Variants in INSR observed in about 807,000 individuals in gnomAD.
INSR encodes the protein IR.
INSR carries 67 observed loss-of-function variants against 142.6 expected under a neutral mutation model. The ratio of observed to expected loss-of-function variants is 0.47; its 90% CI spans 0.39 to 0.58. The LOEUF is 0.58. Among genes scored for constraint, INSR ranks in the 20% least tolerant of loss-of-function variants. The pLI, the probability that INSR is intolerant of heterozygous loss-of-function variation, is 0.00. For synonymous variants in INSR, 756 were observed against 743.1 expected (o/e 1.02, Z -0.28); for missense variants, 1,248 against 1,833.2 (o/e 0.68, Z 5.83).
At chr19:7,261,704 T>C (rs952451008) in intron 2 of INSR, among the ~76,000 whole-genome samples, 1 of 152,012 alleles carries the variant, frequency 6.6e-6, no homozygotes, top group Non-Finnish European at 1.5e-5. Context: ...CTAATTTTCA[T>C]ATTTTTAGTA....
intron 9 of INSR, among the ~76,000 whole-genome samples, chr19:7,160,757 G>A (rs147823497): frequency 3.8e-4 from 58 of 152,160 alleles, no homozygotes; most frequent in African/African-American, 1.4e-3. Flanking sequence ...CAGCACTTTG[G>A]GAGGCTGAGA....
chr19:7,204,240 A>C (rs938151221), intron 2 of INSR, among the ~76,000 whole-genome samples: 3 of 151,620 alleles, frequency 2.0e-5, no homozygotes, highest in African/African-American at 7.3e-5. Context: ...TTTTTAGTAG[A>C]GTTGGGGTTT....
chr19:7,242,707 A>C (rs984013922), intron 2 of INSR, among the ~76,000 whole-genome samples: 3 of 131,556 alleles, frequency 2.3e-5, no homozygotes, highest in Non-Finnish European at 4.6e-5. Context: ...ACTGCTCTCC[A>C]GCCTGGGTGA....
chr19:7,272,645 C>A (rs1436948053), intron 1 of INSR, among the ~76,000 whole-genome samples: 5 of 151,944 alleles, frequency 3.3e-5, no homozygotes, highest in Non-Finnish European at 5.9e-5. Flanking sequence ...ACCAAAAAAA[C>A]CCCACGAAAC....
At chr19:7,235,569 G>A (rs1262367505) in intron 2 of INSR, among the ~76,000 whole-genome samples, 3 of 145,252 alleles carry the variant, frequency 2.1e-5, no homozygotes, top group Non-Finnish European at 4.5e-5. Context: ...AGTGAAAGGG[G>A]CCAGGCGCTG....
chr19:7,172,402 C>T lies in INSR; in HGVS notation c.1156G>A (p.Gly386Ser), dbSNP rs764221583. The T allele has an allele frequency of 4.3e-6, 7 of 1,613,852 alleles. No individual in the cohort carries two copies. Among genetic ancestry groups the T allele is most frequent in the Admixed American group, 3.3e-5 (2 of 59,964 alleles). Residue 386 changes from glycine (G) to serine (S), a missense_variant, in exon 5 of 22, where the codon GGC (glycine) becomes AGC (serine). Around this residue, in one of 3 missense-constraint regions of INSR, gnomAD observed 1,069 missense variants for 1,654.0 expected, o/e 0.65. Transcript: ENST00000302850. Reference protein sequence around the residue: ...NLAAELEANLGLIEEISGYLK... With the variant: ...NLAAELEANLSLIEEISGYLK... ...TACCCTGAAATTTCTTCAATGAGGCCGAGGTTGGCTTCTAGCTCAGCTGCC... is the reference window on the plus strand; with the variant it reads ...TACCCTGAAATTTCTTCAATGAGGCTGAGGTTGGCTTCTAGCTCAGCTGCC...
At chr19:7,131,386 C>T (rs1252634563) in intron 14 of INSR, among the ~76,000 whole-genome samples, 1 of 151,842 alleles carries the variant, frequency 6.6e-6, no homozygotes, top group Non-Finnish European at 1.5e-5. Context: ...CACTGTGTTG[C>T]CCAGGCTGGA....
intron 2 of INSR, among the ~76,000 whole-genome samples, chr19:7,259,104 C>CTTCCTTCT (rs1555688456): frequency 2.2e-4 from 28 of 129,526 alleles, no homozygotes; most frequent in Admixed American, 9.5e-4. Flanking sequence ...TCCCTCCTTC[C>CTTCCTTCT]TTCCTTCCTT....
chr19:7,135,545 C>T (rs1568436983), intron 13 of INSR, among the ~76,000 whole-genome samples: 3 of 148,892 alleles, frequency 2.0e-5, no homozygotes, highest in African/African-American at 5.0e-5. Flanking sequence ...GGCATGGTGG[C>T]GGATGGCGGG....
intron 1 of INSR, among the ~76,000 whole-genome samples, chr19:7,276,292 C>T (rs1162964878): frequency 6.6e-6 from 1 of 151,764 alleles, no homozygotes; most frequent in African/African-American, 2.4e-5. Flanking sequence ...ACTACAGCTG[C>T]GTACCACCAT....
At chr19:7,151,442 A>C (rs1599910307) in intron 10 of INSR, among the ~76,000 whole-genome samples, 1 of 142,148 alleles carries the variant, frequency 7.0e-6, no homozygotes, top group Admixed American at 7.2e-5. Flanking sequence ...ATGTCTGGCT[A>C]TTTTTTTTTT....
intron 2 of INSR, among the ~76,000 whole-genome samples, chr19:7,187,860 C>T (rs776127888): frequency 2.0e-5 from 3 of 152,222 alleles, no homozygotes; most frequent in Non-Finnish European, 4.4e-5. Context: ...GTATGAGCCA[C>T]TGTGCCTGAC....
At chr19:7,142,428 C>A (rs1456525910) in intron 12 of INSR, among the ~76,000 whole-genome samples, 1 of 136,088 alleles carries the variant, frequency 7.3e-6, no homozygotes, top group Admixed American at 7.7e-5. Context: ...AGGTTCGGTG[C>A]TCATGCCTGT....
At chr19:7,163,558 T>TCAAAA (rs1390218621) in intron 8 of INSR, among the ~76,000 whole-genome samples, 5 of 148,104 alleles carry the variant, frequency 3.4e-5, no homozygotes, top group South Asian at 4.3e-4. Context: ...AGAGTCCGTC[T>TCAAAA]CAAAACAAAA....
chr19:7,135,254 T>C (rs1459065493), intron 13 of INSR, among the ~76,000 whole-genome samples: 2 of 143,324 alleles, frequency 1.4e-5, no homozygotes, highest in Non-Finnish European at 3.0e-5. Context: ...AATAAGCAAA[T>C]ATAGAAACCC....
intron 2 of INSR, among the ~76,000 whole-genome samples, chr19:7,227,921 C>T (rs769391494): frequency 6.6e-6 from 1 of 151,848 alleles, no homozygotes; most frequent in Non-Finnish European, 1.5e-5. Context: ...TCTGAGACCG[C>T]GACCTTCACA....
chr19:7,195,757 T>C (rs1974727362), intron 2 of INSR, among the ~76,000 whole-genome samples: 3 of 152,040 alleles, frequency 2.0e-5, no homozygotes, highest in Admixed American at 2.0e-4. Context: ...ATGCAAAGTG[T>C]GATCCTAGAT....
chr19:7,120,526 A>G, intron 20 of INSR, 94 bp downstream of exon 20: 1 of 1,485,242 alleles, frequency 6.7e-7, no homozygotes, highest in Non-Finnish European at 9.4e-7. Flanking sequence ...TGGGGCGTCC[A>G]GGAGGATGGC....
At chr19:7,198,820 T>C (rs1183608394) in intron 2 of INSR, among the ~76,000 whole-genome samples, 1 of 152,190 alleles carries the variant, frequency 6.6e-6, no homozygotes, top group Non-Finnish European at 1.5e-5. Flanking sequence ...TGTGTCCCCA[T>C]TGAATTTGCA....
Sources: allele counts gnomAD v4.1 joint callset (sites outside exome capture counted in the v4.1 genomes callset), GRCh38; gene constraint gnomAD v4.1.1; regional missense constraint gnomAD v4.1.1; transcripts MANE v1.5; gene names NCBI Gene and HGNC (gene_info 2026-07-23, HGNC 2026-07-21).